Variants in INTU observed in about 807,000 individuals in gnomAD.
INTU encodes the protein inturned planar cell polarity protein, also known as protein inturned.
INTU carries 68 observed loss-of-function variants against 100.5 expected under a neutral mutation model. The ratio of observed to expected loss-of-function variants is 0.68; its 90% CI spans 0.56 to 0.83. The LOEUF (loss-of-function observed/expected upper bound fraction) is 0.83, where lower values mean the gene tolerates loss of function less well. Ranked by LOEUF, INTU falls within the 40% of genes least tolerant of loss-of-function variation. The pLI is 0.00. For synonymous variants in INTU, 357 were observed against 395.7 expected (o/e 0.90, Z 1.16); for missense variants, 1,071 against 1,114.7 (o/e 0.96, Z 0.56).
Position 127,724,979 on chromosome 4 carries a change from T to G in INTU, c.*8543T>G, listed in dbSNP as rs940571889. ...AATTAGGGTAAAAAACCTTGGTTCT[T>G]GAAATGCTACAGAAAATAGCTTGAG... On this transcript the variant is annotated 3_prime_UTR_variant, in exon 16 of 16. Transcript: ENST00000335251. The G allele has an allele frequency of 6.6e-6, 1 of 151,956 alleles. No individual in the cohort carries two copies. The highest frequency in any genetic ancestry group is 2.4e-5 in the African/African-American group (1 of 41,348). The allele number at this position is 151,956 out of a possible 1,614,324, so 9.4% of individuals were successfully genotyped here.
At chr4:127,666,583 G>A (rs1027841505) in intron 4 of INTU, among the ~76,000 whole-genome samples, 12 of 152,140 alleles carry the variant, frequency 7.9e-5, no homozygotes, top group South Asian at 2.1e-4. Flanking sequence ...CCTCAGGACA[G>A]CCCTGCTTCT....
In INTU at chr4:127,633,162, C is replaced by T; in HGVS notation, c.128C>T (p.Ser43Leu). Residue 43 changes from serine to leucine, a missense_variant, in exon 1 of 16, where the codon TCA (serine) becomes TTA (leucine). Transcript: ENST00000335251. ...DRVSDSGSYS[S>L]ASSDYDDLEP... The stretch of plus-strand genomic sequence containing the variant: ...GTCAGCGACTCGGGTTCATATTCCT[C>T]AGCGAGTAGCGATTATGAGTAAGGT... 1 of 1,613,688 alleles carries T rather than the reference C, an allele frequency of 6.2e-7. No individual in the cohort carries two copies. The highest frequency in any genetic ancestry group is 8.5e-7 in the Non-Finnish European group (1 of 1,179,648).
At chr4:127,657,398 C>T (rs1333575360) in intron 3 of INTU, among the ~76,000 whole-genome samples, 1 of 152,044 alleles carries the variant, frequency 6.6e-6, no homozygotes, top group East Asian at 1.9e-4. Context: ...CAGGAATTAG[C>T]ATTCTCTTTT....
intron 2 of INTU, among the ~76,000 whole-genome samples, chr4:127,654,592 G>A (rs1331347464): frequency 1.3e-5 from 2 of 152,018 alleles, no homozygotes; most frequent in East Asian, 1.9e-4. Flanking sequence ...CGAGAGACCC[G>A]CTGTTAGTCT....
chr4:127,675,725 ACAT>A (rs1459303929), intron 6 of INTU, among the ~76,000 whole-genome samples: 38 of 152,292 alleles, frequency 2.5e-4, no homozygotes, highest in African/African-American at 8.9e-4. Context: ...GTTTCTTGCC[ACAT>A]GGACCTCTCC....
intron 14 of INTU, among the ~76,000 whole-genome samples, chr4:127,712,587 A>G (rs1385491100): frequency 6.6e-6 from 1 of 152,208 alleles, no homozygotes; most frequent in African/African-American, 2.4e-5. Context: ...GCTGAGAAGA[A>G]TTAGAAAATA....
Position 127,725,739 on chromosome 4 carries a change from G to A in INTU, c.*9303G>A, listed in dbSNP as rs989769428. The A allele has an allele frequency of 6.6e-6, 1 of 152,174 alleles. No individual in the cohort carries two copies. The highest frequency in any genetic ancestry group is 2.4e-5 in the African/African-American group (1 of 41,438). 9.4% of individuals were successfully genotyped at this position (152,174 alleles called of 1,614,324 possible). A position where few individuals can be genotyped will look rare whatever the true frequency, so the allele number is the denominator to read the frequency against. On this transcript the variant is annotated 3_prime_UTR_variant, in exon 16 of 16. Coordinates refer to ENST00000335251, the MANE Select transcript of INTU (RefSeq NM_015693.4). ...ATTTGCTGTATCGTAGATGTGCACT[G>A]TAATTTCCATGTTAAAGAGGCACTG...
intron 3 of INTU, among the ~76,000 whole-genome samples, chr4:127,657,491 G>A (rs1008253311): frequency 6.6e-6 from 1 of 151,888 alleles, no homozygotes; most frequent in South Asian, 2.1e-4. Flanking sequence ...GTAGTGGTTC[G>A]TGGCCTGTTA....
At position 127,640,538 on chromosome 4, in the gene INTU, G is replaced by GATATAT. The variant is rs1560825535; in HGVS notation, c.147-2980_147-2979insTATATA. On this transcript the variant is annotated intron_variant, in intron 1 of 15. Coordinates refer to ENST00000335251, the MANE Select transcript of INTU (RefSeq NM_015693.4). ...AAATTGGTATAGTCTTTTGGGTAAA[G>GATATAT]ATACATATATATATATATATATATA... Among the ~76,000 whole-genome samples the GATATAT allele has an allele frequency of 2.3e-4, 16 of 70,370 alleles. 1 individual carries two copies. The highest frequency in any genetic ancestry group is 9.3e-4 in the African/African-American group (14 of 15,096). The allele number at this position is 70,370 out of a possible 152,430, so 46.2% of individuals were successfully genotyped here.
In INTU at chr4:127,663,593, C is replaced by T. The variant is rs776911775; in HGVS notation, c.972+9C>T. On this transcript the variant is annotated intron_variant, in intron 4 of 15. Transcript: ENST00000335251. ...AAACCTCAAAGGAAGAGGTGAGTGT[C>T]CTCAAAAGTCCAAAGGAAATAAGTT... The T allele has an allele frequency of 1.2e-6, 2 of 1,608,354 alleles. No individual in the cohort carries two copies. The highest frequency in any genetic ancestry group is 1.3e-5 in the African/African-American group (1 of 74,858).
intron 15 of INTU, among the ~76,000 whole-genome samples, chr4:127,715,832 T>G (rs531482628): frequency 1.8e-4 from 27 of 152,222 alleles, no homozygotes; most frequent in Non-Finnish European, 2.8e-4. Context: ...ATAGATCAAT[T>G]TGTATACATT....
In INTU at chr4:127,721,154, A is replaced by G. The variant is rs1210232378; in HGVS notation, c.*4718A>G. ...GAGTGCTTCCTTCAGGAGCACTTGC[A>G]AGGCAGGCCTGGTGGTGACGAATTC... is the stretch of plus-strand genomic sequence containing the variant. On this transcript the variant is annotated 3_prime_UTR_variant, in exon 16 of 16. Coordinates refer to ENST00000335251, the MANE Select transcript of INTU (RefSeq NM_015693.4). 1 of 152,160 alleles carries G rather than the reference A, an allele frequency of 6.6e-6. No individual in the cohort carries two copies. Among genetic ancestry groups the G allele is most frequent in the Non-Finnish European group, 1.5e-5 (1 of 68,038 alleles). 9.4% of individuals were successfully genotyped at this position (152,160 alleles called of 1,614,324 possible).
chr4:127,641,346 C>CACT, intron 1 of INTU, among the ~76,000 whole-genome samples: 1 of 152,286 alleles, frequency 6.6e-6, no homozygotes, highest in South Asian at 2.1e-4. Flanking sequence ...AGGGCTTGAC[C>CACT]ACTTCTGTCA....
rs1219996854 is a variant in INTU at position 127,723,600 on chromosome 4, ATATG to A, written c.*7166_*7169del. ...AAGCTCAATTTTGACTAGGATATAT[ATATG>A]TGTGTGTGTGTATATATATGTATTT... On this transcript the variant is annotated 3_prime_UTR_variant, in exon 16 of 16. Coordinates refer to ENST00000335251, the MANE Select transcript of INTU (RefSeq NM_015693.4). 6.6e-6 allele frequency: 1 copy of A among 151,772 alleles called. No individual in the cohort carries two copies. Among genetic ancestry groups the A allele is most frequent in the African/African-American group, 2.4e-5 (1 of 41,268 alleles). 9.4% of individuals were successfully genotyped at this position (151,772 alleles called of 1,614,324 possible).
chr4:127,714,693 C>A (rs1462969909), intron 15 of INTU, among the ~76,000 whole-genome samples: 1 of 152,130 alleles, frequency 6.6e-6, no homozygotes, highest in Non-Finnish European at 1.5e-5. Flanking sequence ...CAGTTATTCT[C>A]TATATGACTC....
At position 127,669,823 on chromosome 4, in the gene INTU, T is replaced by A. The variant is rs140924153; in HGVS notation, c.1091+669T>A. ...ATCTAACTTGATTTAGGTTAAAGGC[T>A]TAAAAGGAAGACTTGACACTATAGA... is the stretch of plus-strand genomic sequence containing the variant. On this transcript the variant is annotated intron_variant, in intron 5 of 15. Transcript: ENST00000335251. 2.1e-4 allele frequency among the ~76,000 whole-genome samples: 32 copies of A among 151,978 alleles called. No individual in the cohort carries two copies. In the East Asian group the frequency reaches 5.0e-3, roughly 24 times the overall value.
intron 10 of INTU, 76 bp downstream of exon 10, chr4:127,704,366 G>GA: frequency 9.7e-7 from 1 of 1,033,486 alleles, no homozygotes; most frequent in Non-Finnish European, 1.5e-6. Context: ...TTACAAACAT[G>GA]AAAAATACAT....
chr4:127,636,771 A>C (rs1727093460), intron 1 of INTU, among the ~76,000 whole-genome samples: 1 of 152,200 alleles, frequency 6.6e-6, no homozygotes, highest in Admixed American at 6.5e-5. Flanking sequence ...ACATGGGAAC[A>C]TACTAGTTGT....
chr4:127,646,650 A>C (rs1008486884), intron 2 of INTU, among the ~76,000 whole-genome samples: 1 of 152,160 alleles, frequency 6.6e-6, no homozygotes, highest in Admixed American at 6.5e-5. Context: ...TAACCTTGAC[A>C]TATGGTTTAG....
Sources: allele counts gnomAD v4.1 joint callset (sites outside exome capture counted in the v4.1 genomes callset), GRCh38; gene constraint gnomAD v4.1.1; transcripts MANE v1.5; gene names NCBI Gene and HGNC (gene_info 2026-07-23, HGNC 2026-07-21).